SFXN3: variants seen among roughly 807,000 people sequenced by gnomAD.
SFXN3 encodes the protein sideroflexin-3.
A neutral mutation model predicts 40.4 loss-of-function variants in SFXN3; 31 were observed. The observed-to-expected ratio is 0.77, with a 90% CI of 0.58 to 1.04. The LOEUF (loss-of-function observed/expected upper bound fraction) is 1.04. Among genes scored for constraint, SFXN3 ranks in the 50% least tolerant of loss-of-function variants. The pLI is 0.00. For missense variants in SFXN3, 366 were observed against 408.2 expected (o/e 0.90, Z 0.89); for synonymous variants, 157 against 160.0 (o/e 0.98, Z 0.14).
chr10:101,034,595 T>TAA, intron 2 of SFXN3, 97 bp from the exon 3 acceptor site: 1 of 1,332,546 alleles, frequency 7.5e-7, no homozygotes, highest in South Asian at 1.3e-5. Flanking sequence ...GGACTGATGA[T>TAA]AAGCTCAGGG....
rs980417550 is a variant in SFXN3, at chr10:101,036,928, G to A, written c.593+120G>A. The A allele has an allele frequency of 4.6e-6, 7 of 1,521,060 alleles. No individual in the cohort carries two copies. The highest frequency in any genetic ancestry group is 5.3e-6 in the Non-Finnish European group (6 of 1,127,960). 94.2% of individuals were successfully genotyped at this position (1,521,060 alleles called of 1,614,324 possible). On this transcript the variant is annotated intron_variant, in intron 7 of 11. Transcript: ENST00000393459. This position sits in a 1 kb window ranked among gnomAD's most constrained non-coding sequence, Gnocchi z 4.2. ...CCCCAGACATGAGCTGCTGGGCCCT[G>A]GCTCAGTCTGACCCTGGGATCCTCA...
intron 3 of SFXN3, 76 bp from the exon 4 acceptor site, chr10:101,035,421 G>A: frequency 6.6e-7 from 1 of 1,504,144 alleles, no homozygotes; most frequent in Non-Finnish European, 8.9e-7. Context: ...GAGTTACCCT[G>A]AGCTGGGCAG....
At chr10:101,032,811 G>A (rs995531459) in intron 2 of SFXN3, among the ~76,000 whole-genome samples, 4 of 152,180 alleles carry the variant, frequency 2.6e-5, no homozygotes, top group South Asian at 2.1e-4. Flanking sequence ...AGGGGAGGGC[G>A]TCTCTGCCTC....
rs928610918 is a variant in SFXN3 at position 101,039,151 on chromosome 10, C to A, written c.822-24C>A. On this transcript the variant is annotated intron_variant, in intron 10 of 11. Coordinates refer to ENST00000393459, the Ensembl canonical transcript of SFXN3. The surrounding 1 kb of genome is among the most constrained non-coding windows in gnomAD (Gnocchi z 4.6). Reference sequence around the variant, plus strand: ...ACCCTAAGGCCAAAGCTTTACAAACCTTTCCAACACTTGTCTCCCCCAGCC... The same window carrying A: ...ACCCTAAGGCCAAAGCTTTACAAACATTTCCAACACTTGTCTCCCCCAGCC... 1.2e-6 allele frequency: 2 copies of A among 1,605,948 alleles called. No homozygotes were observed. The highest frequency in any genetic ancestry group is 1.3e-5 in the African/African-American group (1 of 74,918).
chr10:101,037,392 A>G, exon 9 of SFXN3: 2 of 1,614,160 alleles, frequency 1.2e-6, no homozygotes, highest in African/African-American at 1.3e-5. Flanking sequence ...CCATCCCACC[A>G]CTGATCATGG....
chr10:101,032,367 C>G (rs1477269154), exon 2 of SFXN3: 1 of 1,346,530 alleles, frequency 7.4e-7, no homozygotes, highest in African/African-American at 1.5e-5. Context: ...GCTCCTGCCC[C>G]TCCCTGCTGG....
At chr10:101,032,691 G>A (rs901664035) in intron 2 of SFXN3, among the ~76,000 whole-genome samples, 8 of 152,150 alleles carry the variant, frequency 5.3e-5, no homozygotes, top group African/African-American at 1.9e-4. Flanking sequence ...GGCACAGTGT[G>A]CGCCTGTAAA....
In SFXN3 at chr10:101,034,798, A is replaced by T. The variant is rs751736789; in HGVS notation, c.104A>T (p.Asn35Ile). The T allele has an allele frequency of 1.1e-5, 17 of 1,614,118 alleles. No individual in the cohort carries two copies. The East Asian group carries it at 3.6e-4, about 34-fold the overall frequency. ...TTTTTCACTGTTACTGATCCTCGAA[A>T]TCTGCTGCTGTCCGGGGCACAGCTG... Residue 35 changes from asparagine to isoleucine, a missense_variant, in exon 3 of 12, where the codon AAT becomes ATT. By Grantham distance (149) the Asn-to-Ile change is moderately radical. Transcript: ENST00000393459.
chr10:101,037,410 G>A, exon 9 of SFXN3: 1 of 1,614,150 alleles, frequency 6.2e-7, no homozygotes, highest in Non-Finnish European at 8.5e-7. Context: ...TGGACACTCT[G>A]GAGAAGAAAG....
chr10:101,032,142 G>C (rs761112977), intron 1 of SFXN3, 172 bp from the exon 2 acceptor site: 2 of 317,378 alleles, frequency 6.3e-6, no homozygotes, highest in Non-Finnish European at 1.2e-5. Context: ...GGCCCGCCAG[G>C]GGACTGTAAA....
exon 12 of SFXN3, chr10:101,040,120 A>G (rs1332843474): frequency 6.4e-6 from 1 of 157,358 alleles, no homozygotes; most frequent in African/African-American, 2.4e-5. Flanking sequence ...TAGCTCCCCA[A>G]GCTGACTGGG....
exon 1 of SFXN3, chr10:101,031,338 T>A (rs777665375): frequency 6.6e-6 from 1 of 152,268 alleles, no homozygotes; most frequent in Non-Finnish European, 1.5e-5. Context: ...CCTAGCTCAT[T>A]CCGCAAATTT....
chr10:101,036,215 G>C lies in SFXN3; in HGVS notation c.431+114G>C. 1 of 931,686 alleles carries C rather than the reference G, an allele frequency of 1.1e-6. No homozygotes were observed. The highest frequency in any genetic ancestry group is 1.7e-6 in the Non-Finnish European group (1 of 593,678). The allele number at this position is 931,686 out of a possible 1,614,324, so 57.7% of individuals were successfully genotyped here. A position where few individuals can be genotyped will look rare whatever the true frequency, so the allele number is the denominator to read the frequency against. On this transcript the variant is annotated intron_variant, in intron 5 of 11. Transcript: ENST00000393459. The surrounding 1 kb of genome is among the most constrained non-coding windows in gnomAD (Gnocchi z 4.2). ...CTGTGGACCATGCAGCCAGTGCTCAGCGCCCTCTCCTCAGCCTGCCCCACC... is the reference window on the plus strand; with the variant it reads ...CTGTGGACCATGCAGCCAGTGCTCACCGCCCTCTCCTCAGCCTGCCCCACC...
At chr10:101,031,642 G>A (rs77086100) in intron 1 of SFXN3, 108 bp downstream of exon 1, 1 of 152,302 alleles carries the variant, frequency 6.6e-6, no homozygotes, top group African/African-American at 2.4e-5. Flanking sequence ...GTCGCAGGGT[G>A]GGGCAGCTGG....
At chr10:101,034,828 C>A in exon 3 of SFXN3, 1 of 1,614,202 alleles carries the variant, frequency 6.2e-7, no homozygotes, top group Non-Finnish European at 8.5e-7. Flanking sequence ...CAGCTGGAAG[C>A]TTCTCGGAAC....
At chr10:101,032,573 A>G (rs1421202215) in intron 2 of SFXN3, 91 bp downstream of exon 2, 10 of 1,388,094 alleles carry the variant, frequency 7.2e-6, no homozygotes, top group Non-Finnish European at 9.6e-6. Flanking sequence ...GGTGCAGTCA[A>G]TGTCCTCGGC....
At position 101,036,393 on chromosome 10, in the gene SFXN3, C is replaced by A; in HGVS notation, c.432-93C>A. The A allele has an allele frequency of 2.5e-6, 3 of 1,206,324 alleles. No individual in the cohort carries two copies. Among genetic ancestry groups the A allele is most frequent in the South Asian group, 2.6e-5 (2 of 78,082 alleles). 74.7% of individuals were successfully genotyped at this position (1,206,324 alleles called of 1,614,324 possible). A position where few individuals can be genotyped will look rare whatever the true frequency, so the allele number is the denominator to read the frequency against. On this transcript the variant is annotated intron_variant, in intron 5 of 11. Coordinates refer to ENST00000393459, the Ensembl canonical transcript of SFXN3. The surrounding 1 kb of genome is among the most constrained non-coding windows in gnomAD (Gnocchi z 4.2). The stretch of plus-strand genomic sequence containing the variant: ...TCTGCAAGGAGCTTCCCCTTTTATG[C>A]CTCATGTATTGAGGACTTGGCATAT...
At chr10:101,035,696 AGT>A (rs1006380816) in intron 4 of SFXN3, 29 bp downstream of exon 4, 1 of 1,590,220 alleles carries the variant, frequency 6.3e-7, no homozygotes, top group African/African-American at 1.3e-5. Flanking sequence ...CCCCTTCTTC[AGT>A]GCCCTAAGCT....
exon 2 of SFXN3, chr10:101,032,384 T>G: frequency 7.1e-7 from 1 of 1,412,950 alleles, no homozygotes; most frequent in Non-Finnish European, 9.4e-7. Context: ...CTGGTCGGCG[T>G]CACGCGTGAC....
Sources: gnomAD v4.1 joint callset for allele counts (sites outside exome capture counted in the v4.1 genomes callset) on GRCh38, gnomAD v4.1.1 for gene constraint, Gnocchi (gnomAD v3.1) non-coding constraint, MANE v1.5 for transcripts, NCBI Gene and HGNC (gene_info 2026-07-23, HGNC 2026-07-21) for gene names.